The following SMC5 variants were observed in gnomAD, a reference collection of about 807,000 sequenced individuals.
The protein encoded by SMC5 is structural maintenance of chromosomes protein 5.
A neutral mutation model predicts 148.3 loss-of-function variants in SMC5; 88 were observed. The ratio of observed to expected loss-of-function variants is 0.59; its 90% CI spans 0.50 to 0.71. The LOEUF (loss-of-function observed/expected upper bound fraction) is 0.71, where lower values mean the gene tolerates loss of function less well. Among genes scored for constraint, SMC5 ranks in the 30% least tolerant of loss-of-function variants. SMC5 has a pLI of 0.00. For missense variants in SMC5, 1,142 were observed against 1,298.9 expected (o/e 0.88, Z 1.86); for synonymous variants, 421 against 432.8 (o/e 0.97, Z 0.34).
In SMC5 at chr9:70,315,472, G is replaced by A. The variant is rs752442353; in HGVS notation, c.1700G>A (p.Arg567Lys). The A allele has an allele frequency of 3.1e-6, 5 of 1,589,956 alleles. No individual in the cohort carries two copies. The South Asian group carries it at 5.7e-5, about 18-fold the overall frequency. ...CAATACGGATTTTTCTCTTATTTGAGAGAATTATTTGATGCACCTGATCCT... is the reference window on the plus strand; with the variant it reads ...CAATACGGATTTTTCTCTTATTTGAAAGAATTATTTGATGCACCTGATCCT... ...LKQYGFFSYLRELFDAPDPVM... is the reference protein window; with the variant it reads ...LKQYGFFSYLKELFDAPDPVM... The change falls in exon 13 of 25, where the codon AGA becomes AAA. Residue 567 changes from arginine (R) to lysine (K), a missense_variant. By Grantham distance (26) the Arg-to-Lys change is conservative. This residue lies in a region of SMC5 where 743 missense variants were observed against 835.7 expected (regional missense o/e 0.89). Transcript: ENST00000361138.
intron 6 of SMC5, among the ~76,000 whole-genome samples, chr9:70,281,654 G>T (rs1380621518): frequency 6.6e-6 from 1 of 152,132 alleles, no homozygotes; most frequent in South Asian, 2.1e-4. Context: ...ATTGTTACTT[G>T]CTTCAAAAAG....
At position 70,309,220 on chromosome 9, in the gene SMC5, A is replaced by G. The variant is rs373391649; in HGVS notation, c.1578+3860A>G. ...TGGCAGTTTCTTAAAGAAGACAACA[A>G]TAAAATTTACCACATTGATCAACTC... On this transcript the variant is annotated intron_variant, in intron 11 of 24. Transcript: ENST00000361138. Among the ~76,000 whole-genome samples the G allele has an allele frequency of 8.6e-5, 13 of 151,896 alleles. No homozygotes were observed. The South Asian group carries it at 2.7e-3, about 32-fold the overall frequency.
intron 1 of SMC5, among the ~76,000 whole-genome samples, chr9:70,261,004 G>A (rs1003562893): frequency 1.3e-5 from 2 of 152,180 alleles, no homozygotes. Flanking sequence ...CTCCCAAAGT[G>A]CTGGGATTAC....
At chr9:70,291,728 A>T (rs1286821130) in intron 8 of SMC5, among the ~76,000 whole-genome samples, 1 of 152,210 alleles carries the variant, frequency 6.6e-6, no homozygotes, top group African/African-American at 2.4e-5. Flanking sequence ...GCTGTGAGTC[A>T]GGTCAAATAC....
At position 70,324,100 on chromosome 9, in the gene SMC5, A is replaced by G; in HGVS notation, c.2354A>G (p.Glu785Gly). ...GTGATCTCTGAGAAGAACAAATTAG[A>G]ATCAGATTATATGGCCGCATCTTCA... is the stretch of plus-strand genomic sequence containing the variant. ...TTVISEKNKL[E>G]SDYMAASSQL... The change falls in exon 17 of 25, where the codon GAA (glutamate) becomes GGA (glycine). Residue 785 changes from glutamate (E) to glycine (G), a missense_variant. Coordinates refer to ENST00000361138, the MANE Select transcript of SMC5 (RefSeq NM_015110.4). The G allele has an allele frequency of 6.2e-7, 1 of 1,600,370 alleles. No homozygotes were observed.
intron 24 of SMC5, among the ~76,000 whole-genome samples, chr9:70,351,369 A>G (rs923304309): frequency 7.9e-5 from 12 of 151,504 alleles, no homozygotes; most frequent in Non-Finnish European, 1.6e-4. Flanking sequence ...AAAAAAAAAA[A>G]TTGTTTTTGC....
chr9:70,342,186 CAAT>C (rs1407148692), intron 17 of SMC5, among the ~76,000 whole-genome samples: 1 of 142,464 alleles, frequency 7.0e-6, no homozygotes, highest in African/African-American at 2.6e-5. Context: ...AGGAATTGAA[CAAT>C]GAGAACACAT....
Position 70,323,478 on chromosome 9 carries a change from T to C in SMC5, c.2151-5T>C. The C allele has an allele frequency of 6.2e-7, 1 of 1,602,802 alleles. No homozygotes were observed. Among genetic ancestry groups the C allele is most frequent in the Non-Finnish European group, 8.5e-7 (1 of 1,177,138 alleles). On this transcript the variant is annotated splice_polypyrimidine_tract_variant and splice_region_variant and intron_variant, in intron 15 of 24. Transcript: ENST00000361138. ...GATTTCTTCATTATTATATGTGTCA[T>C]ACAGTTTAAAGCTGATGGAACAGGA...
At chr9:70,329,050 G>A (rs1486253154) in intron 17 of SMC5, among the ~76,000 whole-genome samples, 1 of 152,196 alleles carries the variant, frequency 6.6e-6, no homozygotes, top group Admixed American at 6.5e-5. Flanking sequence ...CCCTAAGGCT[G>A]CACAGAGCGG....
At chr9:70,304,591 G>A (rs1011701763) in intron 10 of SMC5, among the ~76,000 whole-genome samples, 2 of 152,120 alleles carry the variant, frequency 1.3e-5, no homozygotes, top group African/African-American at 4.8e-5. Flanking sequence ...GGAGGCTGAG[G>A]CGCAGGAATT....
chr9:70,283,785 A>G (rs1357750738), intron 7 of SMC5, among the ~76,000 whole-genome samples: 1 of 151,980 alleles, frequency 6.6e-6, no homozygotes, highest in East Asian at 1.9e-4. Flanking sequence ...TGTGTTATGA[A>G]CTTAGCAGTA....
intron 8 of SMC5, 47 bp from the exon 9 acceptor site, chr9:70,297,919 C>A: frequency 6.4e-7 from 1 of 1,569,490 alleles, no homozygotes; most frequent in Non-Finnish European, 8.6e-7. Flanking sequence ...GTCTTATAAA[C>A]CAAGAGGAAA....
intron 17 of SMC5, among the ~76,000 whole-genome samples, chr9:70,334,848 C>T (rs1564066924): frequency 6.6e-6 from 1 of 152,050 alleles, no homozygotes. Context: ...TGAAAAGATG[C>T]CCAACCTGAC....
At chr9:70,300,812 G>A (rs1292908475) in intron 10 of SMC5, among the ~76,000 whole-genome samples, 1 of 152,022 alleles carries the variant, frequency 6.6e-6, no homozygotes, top group Non-Finnish European at 1.5e-5. Context: ...CACATAAAAG[G>A]ATGAAAGAGT....
chr9:70,307,208 TGTG>T (rs1424263210), intron 11 of SMC5, among the ~76,000 whole-genome samples: 2 of 152,132 alleles, frequency 1.3e-5, no homozygotes, highest in Non-Finnish European at 2.9e-5. Context: ...GCCTGGCCAA[TGTG>T]GTGAAACCCT....
intron 8 of SMC5, among the ~76,000 whole-genome samples, chr9:70,297,612 GCCA>G (rs2035236721): frequency 6.6e-6 from 1 of 152,124 alleles, no homozygotes; most frequent in Non-Finnish European, 1.5e-5. Context: ...TATCACATAT[GCCA>G]CATGACTGTT....
At chr9:70,278,918 TTCAG>T (rs1185179602) in intron 5 of SMC5, among the ~76,000 whole-genome samples, 1 of 152,224 alleles carries the variant, frequency 6.6e-6, no homozygotes, top group Admixed American at 6.5e-5. Flanking sequence ...CTTTCATTCA[TTCAG>T]TATCTATTAA....
In SMC5 at chr9:70,318,506, C is replaced by A; in HGVS notation, c.1807-8C>A. 1 of 1,562,488 alleles carries A rather than the reference C, an allele frequency of 6.4e-7. No individual in the cohort carries two copies. Among genetic ancestry groups the A allele is most frequent in the South Asian group, 1.2e-5 (1 of 81,740 alleles). ...TAGATGTGCACTAATAGTTGTTTTA[C>A]GTTATAGGTAATACAAGAAACCCGA... On this transcript the variant is annotated splice_polypyrimidine_tract_variant and splice_region_variant and intron_variant, in intron 13 of 24. Transcript: ENST00000361138.
intron 10 of SMC5, among the ~76,000 whole-genome samples, chr9:70,304,239 T>A (rs1232754707): frequency 2.0e-5 from 3 of 152,108 alleles, no homozygotes; most frequent in Non-Finnish European, 2.9e-5. Context: ...ACCTGGCTAA[T>A]TTTTTATTAT....
Sources: gnomAD v4.1 joint callset for allele counts (sites outside exome capture counted in the v4.1 genomes callset) on GRCh38, gnomAD v4.1.1 for gene constraint, gnomAD v4.1.1 regional missense constraint, MANE v1.5 for transcripts, NCBI Gene and HGNC (gene_info 2026-07-23, HGNC 2026-07-21) for gene names.